The following EIF4G3 variants were observed in gnomAD, a reference collection of about 807,000 sequenced individuals.
EIF4G3 encodes eIF-4-gamma 3.
In EIF4G3, 34 loss-of-function variants were observed where a neutral mutation model predicts 186.4. That is an observed-to-expected ratio of 0.18 (90% CI 0.14 to 0.24). The LOEUF is 0.24. EIF4G3 is among the 10% of genes least tolerant of loss of function. The pLI, the probability that EIF4G3 is intolerant of heterozygous loss-of-function variation, is 1.00. For synonymous variants in EIF4G3, 673 were observed against 679.5 expected, an observed-to-expected ratio of 0.99 and a Z score of 0.15; for missense variants, 1,536 against 1,948.5, an observed-to-expected ratio of 0.79 and a Z score of 3.99.
At position 20,997,605 on chromosome 1, in the gene EIF4G3, T is replaced by C. The variant is rs1174303582; in HGVS notation, c.173A>G (p.His58Arg). The C allele has an allele frequency of 7.1e-6, 11 of 1,548,480 alleles. No individual in the cohort carries two copies. Among genetic ancestry groups the C allele is most frequent in the Non-Finnish European group, 9.6e-6 (11 of 1,146,058 alleles). The change falls in exon 7 of 37, where the codon CAT becomes CGT. Residue 58 changes from histidine to arginine, a missense_variant. By Grantham distance (29) the His-to-Arg change is conservative. This residue lies in a region of EIF4G3 where 194 missense variants were observed against 212.8 expected (regional missense o/e 0.91). Transcript: ENST00000602326. ...IFAAGPRPPH[H>R]QGGFRPIQFF... ...GAAGGGGCAAGGGTACAGTACCTGATGATGGGGAGGTCGAGGCCCCGCTGC... is the reference window on the plus strand; with the variant it reads ...GAAGGGGCAAGGGTACAGTACCTGACGATGGGGAGGTCGAGGCCCCGCTGC...
intron 2 of EIF4G3, among the ~76,000 whole-genome samples, chr1:21,154,820 A>G (rs2097612839): frequency 6.6e-6 from 1 of 152,202 alleles, no homozygotes; most frequent in Non-Finnish European, 1.5e-5. Context: ...GATGTCCTAC[A>G]TTTTGATGAG....
intron 2 of EIF4G3, among the ~76,000 whole-genome samples, chr1:21,094,387 G>A (rs2096293686): frequency 6.6e-6 from 1 of 152,110 alleles, no homozygotes; most frequent in African/African-American, 2.4e-5. Context: ...ATCAATGATA[G>A]ACTGGATTAA....
At chr1:21,038,282 C>G (rs78524611) in intron 4 of EIF4G3, among the ~76,000 whole-genome samples, 51 of 152,134 alleles carry the variant, frequency 3.4e-4, no homozygotes, top group Non-Finnish European at 6.2e-4. Context: ...GACCAGTTCC[C>G]CCAAGACTGT....
chr1:20,879,608 T>G (rs1185310245), intron 19 of EIF4G3, 88 bp from the exon 20 acceptor site: 3 of 748,116 alleles, frequency 4.0e-6, no homozygotes, highest in Non-Finnish European at 5.8e-6. Context: ...AAATAATATA[T>G]AAGTTCAACT....
At chr1:21,066,929 C>T (rs1237565307) in intron 3 of EIF4G3, among the ~76,000 whole-genome samples, 1 of 152,044 alleles carries the variant, frequency 6.6e-6, no homozygotes. Flanking sequence ...AAGGGAATAT[C>T]CCACAGTTCA....
At chr1:21,062,795 T>TCA (rs2094992993) in intron 3 of EIF4G3, among the ~76,000 whole-genome samples, 1 of 152,176 alleles carries the variant, frequency 6.6e-6, no homozygotes, top group East Asian at 1.9e-4. Context: ...TTTACCATGT[T>TCA]AGCCAGGCTG....
intron 14 of EIF4G3, among the ~76,000 whole-genome samples, chr1:20,939,918 G>C (rs12038427): frequency 7.2e-6 from 1 of 139,274 alleles, no homozygotes; most frequent in Non-Finnish European, 1.5e-5. Context: ...GTGGCGGCAC[G>C]ATCTTGGCTC....
intron 3 of EIF4G3, among the ~76,000 whole-genome samples, chr1:21,054,617 T>C (rs2094479148): frequency 6.6e-6 from 1 of 152,198 alleles, no homozygotes. Context: ...TCATTAGACA[T>C]ATTCTCTATT....
intron 16 of EIF4G3, among the ~76,000 whole-genome samples, chr1:20,897,132 G>A (rs2088486553): frequency 6.6e-6 from 1 of 152,104 alleles, no homozygotes; most frequent in South Asian, 2.1e-4. Context: ...ATGAAATACA[G>A]TCAGAAAATA....
At position 20,851,265 on chromosome 1, in the gene EIF4G3, C is replaced by T. The variant is rs1368872712; in HGVS notation, c.3765G>A (p.Arg1255=). 2 of 1,613,994 alleles carry T rather than the reference C, an allele frequency of 1.2e-6. No individual in the cohort carries two copies. Among genetic ancestry groups the T allele is most frequent in the Non-Finnish European group, 8.5e-7 (1 of 1,180,014 alleles). ...TTAAGCCAAGTCTCTCACCTGACTC[C>T]CTTGTTTTATTTCGCTCAGCCTCAG... ...NSTEAERNKT[R]ESAKPEISAM... Residue 1255 remains arginine, a synonymous_variant, in exon 28 of 37, where the codon AGG becomes AGA. Transcript: ENST00000602326.
At chr1:20,956,221 T>C (rs2096411355) in intron 12 of EIF4G3, among the ~76,000 whole-genome samples, 1 of 152,304 alleles carries the variant, frequency 6.6e-6, no homozygotes, top group South Asian at 2.1e-4. Context: ...ATCTTGTAGT[T>C]CCCATAATCC....
chr1:21,127,487 T>C (rs973730819), intron 2 of EIF4G3, among the ~76,000 whole-genome samples: 3 of 152,242 alleles, frequency 2.0e-5, no homozygotes, highest in Non-Finnish European at 4.4e-5. Flanking sequence ...AAATGACTTG[T>C]TTTTATTCAT....
At chr1:20,996,895 G>A (rs992536749) in intron 7 of EIF4G3, among the ~76,000 whole-genome samples, 10 of 152,164 alleles carry the variant, frequency 6.6e-5, no homozygotes, top group Non-Finnish European at 1.5e-4. Context: ...CTACTGGGGG[G>A]TTGGAGGGAG....
At chr1:21,175,723 A>T (rs1207981826) in intron 2 of EIF4G3, 2 of 152,306 alleles carry the variant, frequency 1.3e-5, no homozygotes, top group African/African-American at 4.8e-5. Flanking sequence ...TTTATTATGT[A>T]CTAATAATAA....
At chr1:21,139,740 A>G (rs77010804) in intron 2 of EIF4G3, among the ~76,000 whole-genome samples, 76 of 152,262 alleles carry the variant, frequency 5.0e-4, no homozygotes, top group African/African-American at 1.8e-3. Flanking sequence ...GCCAACTTAG[A>G]GTGCAGTGGC....
intron 14 of EIF4G3, among the ~76,000 whole-genome samples, chr1:20,921,568 C>T (rs2094497025): frequency 6.6e-6 from 1 of 152,174 alleles, no homozygotes; most frequent in Non-Finnish European, 1.5e-5. Flanking sequence ...GGACTAGATA[C>T]CAGACCCTCA....
At chr1:21,001,705 G>A (rs2083540404) in intron 5 of EIF4G3, among the ~76,000 whole-genome samples, 1 of 152,208 alleles carries the variant, frequency 6.6e-6, no homozygotes, top group Admixed American at 6.5e-5. Flanking sequence ...CAGGATCTAA[G>A]AACAGGTATT....
At chr1:21,139,170 G>C (rs2097297334) in intron 2 of EIF4G3, among the ~76,000 whole-genome samples, 1 of 151,952 alleles carries the variant, frequency 6.6e-6, no homozygotes, top group African/African-American at 2.4e-5. Flanking sequence ...CCACTTCAAA[G>C]GGAAAAAACA....
intron 3 of EIF4G3, among the ~76,000 whole-genome samples, chr1:21,083,606 G>A (rs541010281): frequency 6.6e-6 from 1 of 151,896 alleles, no homozygotes; most frequent in African/African-American, 2.4e-5. Context: ...TTACACGTTT[G>A]AGCCACCATG....
Sources: gnomAD v4.1 joint callset for allele counts (sites outside exome capture counted in the v4.1 genomes callset) on GRCh38, gnomAD v4.1.1 for gene constraint, gnomAD v4.1.1 regional missense constraint, MANE v1.5 for transcripts, NCBI Gene and HGNC (gene_info 2026-07-23, HGNC 2026-07-21) for gene names.